MBLAC2: variants seen among roughly 807,000 people sequenced by gnomAD.
MBLAC2 encodes the protein acyl-coenzyme A thioesterase MBLAC2.
In MBLAC2, 24 loss-of-function variants were observed where a neutral mutation model predicts 23.3. The ratio of observed to expected loss-of-function variants is 1.03; its 90% confidence interval spans 0.75 to 1.45. MBLAC2 has a LOEUF of 1.45. Among genes scored for constraint, MBLAC2 ranks in the 40% most tolerant of loss-of-function variants. The pLI, the probability that MBLAC2 is intolerant of heterozygous loss-of-function variation, is 0.00. For missense variants in MBLAC2, 358 were observed against 370.0 expected, an observed-to-expected ratio of 0.97 and a Z score of 0.27; for synonymous variants, 162 against 150.9, an observed-to-expected ratio of 1.07 and a Z score of -0.54.
chr5:90,462,954 TA>T (rs541619628), intron 1 of MBLAC2, among the ~76,000 whole-genome samples: 71 of 152,324 alleles, frequency 4.7e-4, no homozygotes, highest in African/African-American at 1.7e-3. Context: ...TTCAACAGGC[TA>T]TAAAGCTAGG....
intron 1 of MBLAC2, chr5:90,472,420 TATC>T (rs1750568345): frequency 1.3e-5 from 2 of 151,964 alleles, no homozygotes; most frequent in Admixed American, 1.3e-4. Context: ...GTAAGACTCT[TATC>T]TAAATCAGTT....
intron 1 of MBLAC2, 117 bp downstream of exon 1, chr5:90,473,722 G>T: frequency 9.9e-7 from 1 of 1,013,602 alleles, no homozygotes; most frequent in Non-Finnish European, 1.5e-6. Flanking sequence ...AAGTGGCTCT[G>T]CGAGGTGCCA....
At position 90,464,381 on chromosome 5, in the gene MBLAC2, G is replaced by A. The variant is rs7711257; in HGVS notation, c.455-2829C>T. Among the ~76,000 whole-genome samples the A allele has an allele frequency of 9.2e-3, 1,392 of 152,020 alleles. 11 individuals carry two copies. Among genetic ancestry groups the A allele is most frequent in the Middle Eastern group, 0.031 (9 of 294 alleles). The stretch of plus-strand genomic sequence containing the variant: ...AGGCCAGGAGTTTGAGACCAGCCTC[G>A]GCAAAATAGTGAGACCTCCATTTCT... On this transcript the variant is annotated intron_variant, in intron 1 of 1. Transcript: ENST00000316610.
In MBLAC2 at chr5:90,474,339, C is replaced by A; in HGVS notation, c.-47G>T. On this transcript the variant is annotated 5_prime_UTR_variant, in exon 1 of 2. Transcript: ENST00000316610. ...GCGGGGTGAGTGTGGGCGTGCGAGT[C>A]TCCCACAGGCTGTCCACACACAGGG... is the stretch of plus-strand genomic sequence containing the variant. The A allele has an allele frequency of 6.5e-7, 1 of 1,542,904 alleles. No homozygotes were observed. The highest frequency in any genetic ancestry group is 1.1e-5 in the South Asian group (1 of 87,636).
At chr5:90,461,632 C>T in intron 1 of MBLAC2, 80 bp from the exon 2 acceptor site, 1 of 1,322,558 alleles carries the variant, frequency 7.6e-7, no homozygotes, top group African/African-American at 1.5e-5. Context: ...GCATTATATG[C>T]TTCCAAAGAA....
At chr5:90,472,510 T>C (rs1750572878) in intron 1 of MBLAC2, 1 of 152,198 alleles carries the variant, frequency 6.6e-6, no homozygotes, top group African/African-American at 2.4e-5. Flanking sequence ...TTGCAATTTT[T>C]TTTTTAGCAC....
intron 1 of MBLAC2, chr5:90,473,586 G>T: frequency 1.5e-6 from 1 of 658,534 alleles, no homozygotes; most frequent in South Asian, 1.7e-5. Context: ...TAGGGAGGGG[G>T]TGGTGCCGGC....
chr5:90,466,235 C>A (rs1462101847), intron 1 of MBLAC2, among the ~76,000 whole-genome samples: 1 of 152,168 alleles, frequency 6.6e-6, no homozygotes, highest in Non-Finnish European at 1.5e-5. Context: ...TGACAAAAGT[C>A]AAACAAGATA....
chr5:90,467,746 G>T (rs1025149110), intron 1 of MBLAC2, among the ~76,000 whole-genome samples: 27 of 101,298 alleles, frequency 2.7e-4, no homozygotes, highest in African/African-American at 7.4e-4. Flanking sequence ...TTCTTTTTTT[G>T]GGGGGGGCGG....
intron 1 of MBLAC2, chr5:90,472,406 T>A (rs1750567278): frequency 6.6e-6 from 1 of 152,114 alleles, no homozygotes; most frequent in Admixed American, 6.5e-5. Flanking sequence ...TATTGTCAGA[T>A]AATGTAAGAC....
intron 1 of MBLAC2, among the ~76,000 whole-genome samples, chr5:90,467,550 A>C (rs925817206): frequency 8.6e-5 from 13 of 152,022 alleles, no homozygotes; most frequent in African/African-American, 3.1e-4. Flanking sequence ...CTTTTACCTT[A>C]AGTTCATGTG....
intron 1 of MBLAC2, among the ~76,000 whole-genome samples, chr5:90,466,233 G>A (rs1750443867): frequency 6.6e-6 from 1 of 152,194 alleles, no homozygotes; most frequent in South Asian, 2.1e-4. Context: ...TTTGACAAAA[G>A]TCAAACAAGA....
Position 90,474,665 on chromosome 5 carries a change from C to A in MBLAC2, c.-373G>T, listed in dbSNP as rs111880682. ...TTTCGCCACCCCGGGCGTGTGACAG[C>A]AGAGGCCCGCAGTGAGGGTGGGAAG... On this transcript the variant is annotated 5_prime_UTR_variant, in exon 1 of 2. Transcript: ENST00000316610. 264 of 286,170 alleles carry A rather than the reference C, an allele frequency of 9.2e-4. 2 individuals are homozygous for A. Among genetic ancestry groups the A allele is most frequent in the African/African-American group, 6.0e-3 (260 of 43,312 alleles). 17.7% of individuals were successfully genotyped at this position (286,170 alleles called of 1,614,324 possible). A position where few individuals can be genotyped will look rare whatever the true frequency, so the allele number is the denominator to read the frequency against.
chr5:90,468,640 C>T (rs572761980), intron 1 of MBLAC2, among the ~76,000 whole-genome samples: 45 of 152,088 alleles, frequency 3.0e-4, no homozygotes, highest in African/African-American at 1.1e-3. Context: ...TATTCATCAG[C>T]ACATGGAACA....
Position 90,460,988 on chromosome 5 carries a change from T to G in MBLAC2, c.*179A>C, listed in dbSNP as rs545536298. On this transcript the variant is annotated 3_prime_UTR_variant, in exon 2 of 2. Transcript: ENST00000316610. ...AAGCTTATTTAAGTGGCTTCTTTCTTGGAAGAAAGAAAACAATTTAAACTA... is the reference window on the plus strand; with the variant it reads ...AAGCTTATTTAAGTGGCTTCTTTCTGGGAAGAAAGAAAACAATTTAAACTA... 7.2e-6 allele frequency: 4 copies of G among 558,434 alleles called. No homozygotes were observed. Among genetic ancestry groups the G allele is most frequent in the Non-Finnish European group, 1.2e-5 (4 of 338,282 alleles). 34.6% of individuals were successfully genotyped at this position (558,434 alleles called of 1,614,324 possible). A position where few individuals can be genotyped will look rare whatever the true frequency, so the allele number is the denominator to read the frequency against.
chr5:90,473,354 T>A, intron 1 of MBLAC2: 1 of 334,644 alleles, frequency 3.0e-6, no homozygotes, highest in Non-Finnish European at 5.5e-6. Context: ...AGGCTACAGG[T>A]GGGAACTGCC....
intron 1 of MBLAC2, among the ~76,000 whole-genome samples, chr5:90,466,952 A>G (rs1266404994): frequency 1.3e-5 from 2 of 152,190 alleles, no homozygotes; most frequent in East Asian, 3.9e-4. Context: ...ACCCTGGCCA[A>G]CATGGTGAGA....
Position 90,461,134 on chromosome 5 carries a change from ATAAT to A in MBLAC2, c.*29_*32del. ...AATAGCACAGAATGAATTAATGTAT[ATAAT>A]TAATCAAAATATATTATCAGTATAG... On this transcript the variant is annotated 3_prime_UTR_variant, in exon 2 of 2. Transcript: ENST00000316610. 6.9e-7 allele frequency: 1 copy of A among 1,454,528 alleles called. No individual in the cohort carries two copies. The highest frequency in any genetic ancestry group is 1.5e-5 in the South Asian group (1 of 68,916). 90.1% of individuals were successfully genotyped at this position (1,454,528 alleles called of 1,614,324 possible).
At chr5:90,468,665 C>T (rs757747558) in intron 1 of MBLAC2, among the ~76,000 whole-genome samples, 2 of 151,866 alleles carry the variant, frequency 1.3e-5, no homozygotes, top group Admixed American at 6.6e-5. Context: ...CCAAGATAGA[C>T]CATATGATAG....
Sources: gnomAD v4.1 joint callset for allele counts (sites outside exome capture counted in the v4.1 genomes callset) on GRCh38, gnomAD v4.1.1 for gene constraint, MANE v1.5 for transcripts, NCBI Gene and HGNC (gene_info 2026-07-23, HGNC 2026-07-21) for gene names.